CAMTA1: variants seen among roughly 807,000 people sequenced by gnomAD.
CAMTA1 encodes calmodulin-binding transcription activator 1.
In CAMTA1, 27 loss-of-function variants were observed where a neutral mutation model predicts 170.9. The observed-to-expected ratio is 0.16, with a 90% confidence interval of 0.12 to 0.22. The LOEUF is 0.22. Among genes scored for constraint, CAMTA1 ranks in the 10% least tolerant of loss-of-function variants. The pLI, the probability that CAMTA1 is intolerant of heterozygous loss-of-function variation, is 1.00. For synonymous variants in CAMTA1, 833 were observed against 891.5 expected, an observed-to-expected ratio of 0.93 and a Z score of 1.17; for missense variants, 1,619 against 2,217.2, an observed-to-expected ratio of 0.73 and a Z score of 5.42.
Position 7,603,223 on chromosome 1 carries a change from G to A in CAMTA1, c.511-37177G>A, listed in dbSNP as rs1450332908. Among the ~76,000 whole-genome samples, 3 of 152,298 alleles carry A rather than the reference G, an allele frequency of 2.0e-5. No homozygotes were observed. The East Asian group carries it at 5.8e-4, about 29-fold the overall frequency. ...TCTGTTTGGTGCAGAGCTGAGTTCA[G>A]TTCCTGGATATCCTTGTTAACTTTC... On this transcript the variant is annotated intron_variant, in intron 6 of 22. Transcript: ENST00000303635.
chr1:7,368,852 C>G (rs974658725), intron 5 of CAMTA1: 3 of 152,312 alleles, frequency 2.0e-5, no homozygotes, highest in Non-Finnish European at 4.4e-5. Flanking sequence ...TGCTCATCCA[C>G]AGAGCCTGGG....
chr1:6,926,429 C>CTT (rs1269732258), intron 3 of CAMTA1, among the ~76,000 whole-genome samples: 3 of 135,752 alleles, frequency 2.2e-5, no homozygotes, highest in Non-Finnish European at 4.7e-5. Context: ...TTTTCTCTTT[C>CTT]TTTCTTTTCT....
chr1:7,260,805 TG>T (rs1668052184), intron 5 of CAMTA1, among the ~76,000 whole-genome samples: 1 of 152,234 alleles, frequency 6.6e-6, no homozygotes, highest in African/African-American at 2.4e-5. Context: ...ACGAGAAAAC[TG>T]GAGAGGCTCT....
chr1:7,571,583 G>A (rs942762622), intron 6 of CAMTA1, among the ~76,000 whole-genome samples: 2 of 152,290 alleles, frequency 1.3e-5, no homozygotes, highest in South Asian at 4.2e-4. Context: ...GTGAGAACAT[G>A]CAGTAGTTGG....
rs762367535 is a variant in CAMTA1, at chr1:7,635,079, C to T, written c.511-5321C>T. ...ATGCCACGGGGCTCTCTCTCCCCAG[C>T]CTTTGGCACTGACCAGGCCTCCAGG... is the stretch of plus-strand genomic sequence containing the variant. On this transcript the variant is annotated intron_variant, in intron 6 of 22. Transcript: ENST00000303635. This position sits in a 1 kb window ranked among gnomAD's most constrained non-coding sequence, Gnocchi z 4.4. Among the ~76,000 whole-genome samples, 2 of 152,208 alleles carry T rather than the reference C, an allele frequency of 1.3e-5. No homozygotes were observed. Among genetic ancestry groups the T allele is most frequent in the Non-Finnish European group, 2.9e-5 (2 of 68,036 alleles).
intron 7 of CAMTA1, among the ~76,000 whole-genome samples, chr1:7,646,209 T>A (rs927658896): frequency 2.4e-5 from 3 of 126,884 alleles, no homozygotes; most frequent in Non-Finnish European, 4.9e-5. Context: ...ATGGTGATTG[T>A]GAAGGTGGAG....
Position 7,286,973 on chromosome 1 carries a change from G to C in CAMTA1, c.438+37347G>C, listed in dbSNP as rs992910856. 2.0e-5 allele frequency among the ~76,000 whole-genome samples: 3 copies of C among 152,156 alleles called. No individual in the cohort carries two copies. Among genetic ancestry groups the C allele is most frequent in the Non-Finnish European group, 4.4e-5 (3 of 68,028 alleles). On this transcript the variant is annotated intron_variant, in intron 5 of 22. Transcript: ENST00000303635. This position sits in a 1 kb window ranked among gnomAD's most constrained non-coding sequence, Gnocchi z 4.2. ...TGGAGCTACTCTTACCTCTATCACTGTAAGTGTCAAAATTGTGATGGTCAC... is the reference window on the plus strand; with the variant it reads ...TGGAGCTACTCTTACCTCTATCACTCTAAGTGTCAAAATTGTGATGGTCAC...
Position 7,744,883 on chromosome 1 carries a change from C to T in CAMTA1, c.4231C>T (p.Arg1411Ter), listed in dbSNP as rs886041635. The T allele has an allele frequency of 6.2e-7, 1 of 1,613,994 alleles. No homozygotes were observed. The highest frequency in any genetic ancestry group is 1.7e-5 in the Admixed American group (1 of 60,000). ...ACACATTATTGAAGCCACACCTGAC[C>T]GAATCAAGCAGGAGAATTTTGTGCC... Reference protein sequence around the residue: ...AEHIIEATPDRIKQENFVPME... With the variant: ...AEHIIEATPD The change falls in exon 17 of 23, where the codon CGA (arginine) becomes TGA (stop). Residue 1411 changes from arginine to a stop codon, truncating the protein, a stop_gained. Coordinates refer to ENST00000303635, the MANE Select transcript of CAMTA1 (RefSeq NM_015215.4). LOFTEE classifies it high-confidence loss of function.
At chr1:7,138,573 C>T (rs1461095976) in intron 4 of CAMTA1, among the ~76,000 whole-genome samples, 1 of 152,210 alleles carries the variant, frequency 6.6e-6, no homozygotes, top group Admixed American at 6.5e-5. Context: ...CTCCCACAGG[C>T]ATACACGTCT....
At chr1:7,037,082 C>T (rs529643915) in intron 3 of CAMTA1, among the ~76,000 whole-genome samples, 9 of 152,266 alleles carry the variant, frequency 5.9e-5, no homozygotes, top group African/African-American at 1.7e-4. Flanking sequence ...TAATATCCTA[C>T]GGACACATCA....
intron 3 of CAMTA1, among the ~76,000 whole-genome samples, chr1:6,997,082 G>T (rs1341143904): frequency 2.0e-5 from 3 of 152,118 alleles, no homozygotes; most frequent in African/African-American, 7.2e-5. Context: ...CTTACGTGTG[G>T]TTCCTAGGAC....
At chr1:7,202,144 A>AT (rs905367773) in intron 4 of CAMTA1, among the ~76,000 whole-genome samples, 14 of 152,118 alleles carry the variant, frequency 9.2e-5, no homozygotes, top group Admixed American at 7.9e-4. Flanking sequence ...TGAAAAGACT[A>AT]TTTTTTTCCC....
At chr1:7,070,375 G>A (rs1432001396) in intron 3 of CAMTA1, among the ~76,000 whole-genome samples, 2 of 152,192 alleles carry the variant, frequency 1.3e-5, no homozygotes, top group Non-Finnish European at 2.9e-5. Flanking sequence ...AATTCATGTT[G>A]GGTCCCGTAG....
chr1:7,743,670 G>A (rs574911037), intron 16 of CAMTA1, among the ~76,000 whole-genome samples: 13 of 152,080 alleles, frequency 8.5e-5, no homozygotes, highest in East Asian at 5.8e-4. Context: ...TAGTTCCATC[G>A]AGAACATTTT....
At chr1:7,595,905 T>C (rs964917454) in intron 6 of CAMTA1, among the ~76,000 whole-genome samples, 3 of 152,158 alleles carry the variant, frequency 2.0e-5, no homozygotes, top group Admixed American at 1.3e-4. Context: ...GCCAAAAGGA[T>C]GACATCCCAA....
intron 6 of CAMTA1, among the ~76,000 whole-genome samples, chr1:7,509,038 C>T (rs1345074033): frequency 3.9e-5 from 6 of 152,166 alleles, no homozygotes; most frequent in Admixed American, 3.9e-4. Context: ...CGGGTCTGTC[C>T]TGGGCTCCCT....
rs1672404635 is a variant in CAMTA1, at chr1:7,286,768, A to G, written c.438+37142A>G. 6.6e-6 allele frequency among the ~76,000 whole-genome samples: 1 copy of G among 152,072 alleles called. No individual in the cohort carries two copies. The highest frequency in any genetic ancestry group is 1.9e-4 in the East Asian group (1 of 5,172). ...TGGGGAGCTATTGAGGCTGAGTGGA[A>G]AGAGTGAAAATCCCAGCTCTACACT... is the stretch of plus-strand genomic sequence containing the variant. On this transcript the variant is annotated intron_variant, in intron 5 of 22. Transcript: ENST00000303635. The surrounding 1 kb of genome is among the most constrained non-coding windows in gnomAD (Gnocchi z 4.2).
At chr1:7,278,639 A>G (rs1231432706) in intron 5 of CAMTA1, among the ~76,000 whole-genome samples, 1 of 152,166 alleles carries the variant, frequency 6.6e-6, no homozygotes, top group Non-Finnish European at 1.5e-5. Flanking sequence ...CTCTAAGTCC[A>G]ATCCTGAGTT....
At chr1:7,390,016 C>T (rs570385097) in intron 5 of CAMTA1, among the ~76,000 whole-genome samples, 3 of 152,328 alleles carry the variant, frequency 2.0e-5, no homozygotes, top group Non-Finnish European at 4.4e-5. Context: ...GGCCTGGTGC[C>T]TGGCCTGCAG....
Sources: gnomAD v4.1 joint callset for allele counts (sites outside exome capture counted in the v4.1 genomes callset) on GRCh38, gnomAD v4.1.1 for gene constraint, Gnocchi (gnomAD v3.1) non-coding constraint, MANE v1.5 for transcripts, NCBI Gene and HGNC (gene_info 2026-07-23, HGNC 2026-07-21) for gene names.